RBFOX1: variants seen among roughly 807,000 people sequenced by gnomAD.
The protein encoded by RBFOX1 is RNA binding protein fox-1 homolog 1.
In RBFOX1, 8 loss-of-function variants were observed where a neutral mutation model predicts 57.7. The ratio of observed to expected loss-of-function variants is 0.14; its 90% CI spans 0.08 to 0.25. RBFOX1 has a LOEUF of 0.25. Among genes scored for constraint, RBFOX1 ranks in the 10% least tolerant of loss-of-function variants. The pLI, the probability that RBFOX1 is intolerant of heterozygous loss-of-function variation, is 1.00. For missense variants in RBFOX1, 611 were observed against 548.5 expected, an observed-to-expected ratio of 1.11 and a Z score of -1.14; for synonymous variants, 326 against 222.4, an observed-to-expected ratio of 1.47 and a Z score of -4.15.
At chr16:5,422,478 GAGGA>G in intron 1 of RBFOX1, among the ~76,000 whole-genome samples, 1 of 119,920 alleles carries the variant, frequency 8.3e-6, no homozygotes, top group Non-Finnish European at 1.7e-5. Flanking sequence ...GGGAAGAAAG[GAGGA>G]GGGAGCGGGA....
At chr16:5,612,458 G>C (rs34199682) in intron 3 of RBFOX1, among the ~76,000 whole-genome samples, 1 of 152,148 alleles carries the variant, frequency 6.6e-6, no homozygotes, top group Non-Finnish European at 1.5e-5. Flanking sequence ...ACAGTTTAGT[G>C]AGACAGAGAT....
At chr16:6,820,366 G>T (rs1038505128) in intron 3 of RBFOX1, among the ~76,000 whole-genome samples, 2 of 152,158 alleles carry the variant, frequency 1.3e-5, no homozygotes, top group Non-Finnish European at 2.9e-5. Context: ...GGATTGTTCA[G>T]GTAACTGTGA....
At chr16:5,917,324 G>A (rs537135205) in intron 4 of RBFOX1, among the ~76,000 whole-genome samples, 1 of 152,142 alleles carries the variant, frequency 6.6e-6, no homozygotes, top group African/African-American at 2.4e-5. Context: ...TCCATTAAGC[G>A]CCCACCACCG....
At chr16:5,963,918 GAA>G (rs775885196) in intron 4 of RBFOX1, among the ~76,000 whole-genome samples, 7 of 152,170 alleles carry the variant, frequency 4.6e-5, no homozygotes, top group Non-Finnish European at 1.0e-4. Flanking sequence ...CGTGAGAGCA[GAA>G]AGTTTTTGCA....
intron 1 of RBFOX1, among the ~76,000 whole-genome samples, chr16:6,120,225 C>G (rs905385682): frequency 1.2e-4 from 19 of 152,128 alleles, no homozygotes; most frequent in African/African-American, 4.6e-4. Flanking sequence ...ACGTAAATAG[C>G]TGCTATGAAT....
chr16:6,307,250 T>C (rs1220673334), intron 1 of RBFOX1, among the ~76,000 whole-genome samples: 8 of 152,072 alleles, frequency 5.3e-5, no homozygotes, highest in Admixed American at 1.3e-4. Context: ...ATACTTGGTG[T>C]TGGATAGTAA....
chr16:7,442,544 CT>C (rs1478520274), intron 4 of RBFOX1, among the ~76,000 whole-genome samples: 1 of 152,100 alleles, frequency 6.6e-6, no homozygotes, highest in African/African-American at 2.4e-5. Context: ...TGCCCAAGGG[CT>C]GGTTTTAATG....
intron 3 of RBFOX1, among the ~76,000 whole-genome samples, chr16:6,950,170 C>G (rs1290032150): frequency 6.9e-6 from 1 of 144,810 alleles, no homozygotes; most frequent in Non-Finnish European, 1.5e-5. Context: ...GTTGGCCAGG[C>G]TGGTCTCAAA....
intron 3 of RBFOX1, among the ~76,000 whole-genome samples, chr16:5,777,336 C>T (rs1192224742): frequency 6.6e-6 from 1 of 152,146 alleles, no homozygotes; most frequent in Non-Finnish European, 1.5e-5. Flanking sequence ...CTGAAGGGAC[C>T]CTAGTGATTC....
At chr16:7,140,100 C>G (rs4365304) in intron 4 of RBFOX1, among the ~76,000 whole-genome samples, 30,024 of 150,632 alleles carry the variant, frequency 0.2, 4,803 homozygotes, top group African/African-American at 0.44. Context: ...GGACTGTTCT[C>G]TCTTTCTCTC....
chr16:6,877,168 T>A (rs1407793868), intron 3 of RBFOX1, among the ~76,000 whole-genome samples: 1 of 152,190 alleles, frequency 6.6e-6, no homozygotes, highest in Non-Finnish European at 1.5e-5. Flanking sequence ...TGAAAAAAGA[T>A]ATCTTATTTC....
chr16:7,088,470 T>A (rs572023883), intron 4 of RBFOX1, among the ~76,000 whole-genome samples: 1 of 152,150 alleles, frequency 6.6e-6, no homozygotes, highest in African/African-American at 2.4e-5. Context: ...TTTTACAAGA[T>A]TGGTCTTGAA....
intron 1 of RBFOX1, among the ~76,000 whole-genome samples, chr16:5,355,126 G>A (rs1286736268): frequency 6.6e-6 from 1 of 152,164 alleles, no homozygotes; most frequent in Non-Finnish European, 1.5e-5. Flanking sequence ...GGTCGTCTTA[G>A]CTCAGAAGAG....
chr16:5,418,042 T>C (rs759628058), intron 1 of RBFOX1, among the ~76,000 whole-genome samples: 3 of 151,712 alleles, frequency 2.0e-5, no homozygotes, highest in Non-Finnish European at 2.9e-5. Context: ...GATTACTCCA[T>C]TGCACTCCAG....
intron 3 of RBFOX1, among the ~76,000 whole-genome samples, chr16:6,674,764 C>G (rs990530739): frequency 6.6e-6 from 1 of 152,156 alleles, no homozygotes; most frequent in Non-Finnish European, 1.5e-5. Context: ...CCAGCAGAAG[C>G]TACAAGAGGC....
In RBFOX1 at chr16:6,772,954, TTG is replaced by T. The variant is rs1313508949; in HGVS notation, c.-16+118305_-16+118306del. On this transcript the variant is annotated intron_variant, in intron 3 of 15. Transcript: ENST00000550418. Reference sequence around the variant, plus strand: ...TGTGTGTGTGTGTGTATCTATATATTTGGGTGTGGGGTGCATTTGTGTGCGTG... The same window carrying T: ...TGTGTGTGTGTGTGTATCTATATATTGGTGTGGGGTGCATTTGTGTGCGTG... 4.1e-5 allele frequency among the ~76,000 whole-genome samples: 5 copies of T among 122,216 alleles called. No individual in the cohort carries two copies. In the East Asian group the frequency reaches 1.3e-3, roughly 33 times the overall value. 80.2% of individuals were successfully genotyped at this position (122,216 alleles called of 152,430 possible). A position where few individuals can be genotyped will look rare whatever the true frequency, so the allele number is the denominator to read the frequency against.
At chr16:5,361,216 T>A (rs1342062292) in intron 1 of RBFOX1, among the ~76,000 whole-genome samples, 1 of 152,170 alleles carries the variant, frequency 6.6e-6, no homozygotes, top group Non-Finnish European at 1.5e-5. Context: ...GTGATATGGT[T>A]CTGTCTTCCA....
chr16:6,880,725 G>C (rs548973080), intron 3 of RBFOX1, among the ~76,000 whole-genome samples: 1 of 152,134 alleles, frequency 6.6e-6, no homozygotes, highest in Non-Finnish European at 1.5e-5. Flanking sequence ...CTTCTTGGAC[G>C]ATGATTATTT....
chr16:6,225,312 C>G (rs1471313781), intron 1 of RBFOX1, among the ~76,000 whole-genome samples: 1 of 152,116 alleles, frequency 6.6e-6, no homozygotes, highest in Non-Finnish European at 1.5e-5. Context: ...AGCAGGAAAG[C>G]ATTGCTATAA....
Sources: gnomAD v4.1 joint callset for allele counts (sites outside exome capture counted in the v4.1 genomes callset) on GRCh38, gnomAD v4.1.1 for gene constraint, MANE v1.5 for transcripts, NCBI Gene and HGNC (gene_info 2026-07-23, HGNC 2026-07-21) for gene names.